CDCA7L: variants seen among roughly 807,000 people sequenced by gnomAD.
CDCA7L encodes the protein cell division cycle associated 7 like.
Under a neutral mutation model 57.4 loss-of-function variants are expected in CDCA7L, and 44 were observed. That is an observed-to-expected ratio of 0.77 (90% CI 0.60 to 0.98). The LOEUF is 0.98. Among genes scored for constraint, CDCA7L ranks in the 50% least tolerant of loss-of-function variants. The pLI is 0.00. For synonymous variants in CDCA7L, 236 were observed against 202.8 expected (o/e 1.16, Z -1.39); for missense variants, 644 against 580.6 (o/e 1.11, Z -1.12).
Position 21,902,072 on chromosome 7 carries a change from GGCAGATATTT to G in CDCA7L, c.*240_*249del, listed in dbSNP as rs1784906216. 1.4e-5 allele frequency: 7 copies of G among 500,110 alleles called. No individual in the cohort carries two copies. Among genetic ancestry groups the G allele is most frequent in the African/African-American group, 1.9e-5 (1 of 52,188 alleles). The allele number at this position is 500,110 out of a possible 1,614,324, so 31.0% of individuals were successfully genotyped here. A position where few individuals can be genotyped will look rare whatever the true frequency, so the allele number is the denominator to read the frequency against. On this transcript the variant is annotated 3_prime_UTR_variant, in exon 10 of 10. Transcript: ENST00000406877. ...ATTTAAACTGTGCTTTTTAATAACTGGCAGATATTTTTAACAAAGTTCAGCATACAGACAG... is the reference window on the plus strand; with the variant it reads ...ATTTAAACTGTGCTTTTTAATAACTGTTAACAAAGTTCAGCATACAGACAG...
chr7:21,936,990 A>G (rs1583877659), intron 1 of CDCA7L, among the ~76,000 whole-genome samples: 1 of 152,226 alleles, frequency 6.6e-6, no homozygotes, highest in East Asian at 1.9e-4. Context: ...AAAATCAACT[A>G]TGCTTCTACA....
chr7:21,911,963 C>CAA (rs59150302), intron 2 of CDCA7L, among the ~76,000 whole-genome samples: 20,934 of 137,204 alleles, frequency 0.15, 1,882 homozygotes, highest in Non-Finnish European at 0.22. Context: ...TATTTTACCA[C>CAA]AAAAAAAAAA....
chr7:21,905,308 C>A (rs1004838846), intron 7 of CDCA7L, among the ~76,000 whole-genome samples, 198 bp downstream of exon 7: 1 of 152,158 alleles, frequency 6.6e-6, no homozygotes, highest in African/African-American at 2.4e-5. Flanking sequence ...CTAAGAGAGA[C>A]CGCCGTCCAG....
In CDCA7L at chr7:21,901,115, A is replaced by T. The variant is rs1365739082; in HGVS notation, c.*1207T>A. 3.1e-6 allele frequency: 5 copies of T among 1,613,422 alleles called. No individual in the cohort carries two copies. The highest frequency in any genetic ancestry group is 4.2e-6 in the Non-Finnish European group (5 of 1,179,464). On this transcript the variant is annotated 3_prime_UTR_variant, in exon 10 of 10. Coordinates refer to ENST00000406877, the MANE Select transcript of CDCA7L (RefSeq NM_018719.5). ...AAAGCCACCCCCGTGGACAGACAAG[A>T]AACCAAACAGACCTACGAGTGCCCT...
chr7:21,916,280 G>A (rs912901170), intron 2 of CDCA7L, among the ~76,000 whole-genome samples: 6 of 152,134 alleles, frequency 3.9e-5, no homozygotes, highest in Non-Finnish European at 8.8e-5. Flanking sequence ...GTGAGTGCTA[G>A]AGATCAAAGT....
Position 21,900,957 on chromosome 7 carries a change from C to A in CDCA7L, c.*1365G>T. The A allele has an allele frequency of 6.6e-7, 1 of 1,517,056 alleles. No homozygotes were observed. Among genetic ancestry groups the A allele is most frequent in the Non-Finnish European group, 8.8e-7 (1 of 1,134,062 alleles). The allele number at this position is 1,517,056 out of a possible 1,614,324, so 94.0% of individuals were successfully genotyped here. A position where few individuals can be genotyped will look rare whatever the true frequency, so the allele number is the denominator to read the frequency against. ...ATCAAACAACTTACTTGATCATTAT[C>A]ATTAGTAGCAAGCTGCCACACAATT... On this transcript the variant is annotated 3_prime_UTR_variant, in exon 10 of 10. Transcript: ENST00000406877.
At chr7:21,932,839 A>C (rs1786056369) in intron 1 of CDCA7L, among the ~76,000 whole-genome samples, 1 of 152,210 alleles carries the variant, frequency 6.6e-6, no homozygotes, top group African/African-American at 2.4e-5. Context: ...GCACAGCAAA[A>C]GAAACTATCA....
chr7:21,930,141 T>C (rs1054456496), intron 1 of CDCA7L, among the ~76,000 whole-genome samples: 35 of 151,968 alleles, frequency 2.3e-4, no homozygotes, highest in Non-Finnish European at 5.0e-4. Flanking sequence ...TGCAATCAAA[T>C]TGGAACTCAG....
chr7:21,913,165 T>C (rs1380918222), intron 2 of CDCA7L, among the ~76,000 whole-genome samples: 1 of 152,196 alleles, frequency 6.6e-6, no homozygotes, highest in African/African-American at 2.4e-5. Context: ...GAAAGATAGA[T>C]ATAATAGACA....
At chr7:21,923,134 G>A (rs78671446) in intron 1 of CDCA7L, among the ~76,000 whole-genome samples, 1,781 of 152,196 alleles carry the variant, frequency 0.012, 28 homozygotes, top group African/African-American at 0.041. Flanking sequence ...GCTAAGATAG[G>A]AGATTTTATG....
intron 8 of CDCA7L, 66 bp downstream of exon 8, chr7:21,904,044 G>A (rs1245551010): frequency 2.1e-6 from 3 of 1,446,078 alleles, no homozygotes; most frequent in South Asian, 3.0e-5. Context: ...GAACCCAGGA[G>A]GCCCATCTTT....
chr7:21,924,594 C>T (rs1024145369), intron 1 of CDCA7L, among the ~76,000 whole-genome samples: 3 of 152,158 alleles, frequency 2.0e-5, no homozygotes, highest in African/African-American at 7.2e-5. Flanking sequence ...GCACCAACCA[C>T]AAGAACTAAC....
intron 2 of CDCA7L, 68 bp from the exon 3 acceptor site, chr7:21,911,822 G>A (rs1204526348): frequency 4.1e-6 from 6 of 1,470,926 alleles, no homozygotes; most frequent in East Asian, 2.3e-5. Flanking sequence ...AGGGTAGAAT[G>A]AGGAGCTACT....
chr7:21,922,759 A>G (rs1200876292), intron 1 of CDCA7L, among the ~76,000 whole-genome samples: 3 of 152,246 alleles, frequency 2.0e-5, no homozygotes, highest in African/African-American at 7.2e-5. Context: ...AGGTGGAAGC[A>G]ATCCAAGTAT....
chr7:21,903,633 C>A, intron 8 of CDCA7L: 1 of 109,582 alleles, frequency 9.1e-6, no homozygotes, highest in Admixed American at 8.5e-5. Context: ...GATACTATGT[C>A]TCATTTTACC....
At chr7:21,916,594 GTTT>G (rs1208445917) in intron 2 of CDCA7L, among the ~76,000 whole-genome samples, 157 bp downstream of exon 2, 1 of 149,970 alleles carries the variant, frequency 6.7e-6, no homozygotes, top group Non-Finnish European at 1.5e-5. Flanking sequence ...TCTCTCACCA[GTTT>G]TTTAAAACAG....
rs1046325531 is a variant in CDCA7L, at chr7:21,910,092, T to C, written c.303+1525A>G. Among the ~76,000 whole-genome samples the C allele has an allele frequency of 3.3e-5, 5 of 152,302 alleles. No individual in the cohort carries two copies. In the East Asian group the frequency reaches 5.8e-4, roughly 18 times the overall value. ...CTATGTAACTACATCACACAGTCCATAGACTTGGGGGCAGGTGGGAGGGAA... is the reference window on the plus strand; with the variant it reads ...CTATGTAACTACATCACACAGTCCACAGACTTGGGGGCAGGTGGGAGGGAA... On this transcript the variant is annotated intron_variant, in intron 3 of 9. Transcript: ENST00000406877.
In CDCA7L at chr7:21,905,468, C is replaced by T. The variant is rs6953368; in HGVS notation, c.1047+38G>A. ...AGTGAGATTTCAATACCAATGCCTTCGACTCCCAATAAGAATGACAATTAA... is the reference window on the plus strand; with the variant it reads ...AGTGAGATTTCAATACCAATGCCTTTGACTCCCAATAAGAATGACAATTAA... On this transcript the variant is annotated intron_variant, in intron 7 of 9. Coordinates refer to ENST00000406877, the MANE Select transcript of CDCA7L (RefSeq NM_018719.5). 43 of 1,602,256 alleles carry T rather than the reference C, an allele frequency of 2.7e-5. 1 individual carries two copies. Among genetic ancestry groups the T allele is most frequent in the Middle Eastern group, 1.7e-4 (1 of 6,056 alleles).
intron 1 of CDCA7L, among the ~76,000 whole-genome samples, chr7:21,942,605 TTCTAA>T (rs1226342937): frequency 3.9e-5 from 6 of 152,216 alleles, no homozygotes; most frequent in African/African-American, 1.4e-4. Flanking sequence ...TCCAATGATG[TTCTAA>T]TCTTTTTCAT....
Sources: allele counts gnomAD v4.1 joint callset (sites outside exome capture counted in the v4.1 genomes callset), GRCh38; gene constraint gnomAD v4.1.1; transcripts MANE v1.5; gene names NCBI Gene and HGNC (gene_info 2026-07-23, HGNC 2026-07-21).